The following RIN3 variants were observed in gnomAD, a reference collection of about 807,000 sequenced individuals.
RIN3 encodes RAB5 interacting protein 3.
In RIN3, 54 loss-of-function variants were observed where a neutral mutation model predicts 76.3. That is an observed-to-expected ratio of 0.71 (90% CI 0.57 to 0.89). The LOEUF is 0.89. RIN3 is among the 40% of genes least tolerant of loss of function. RIN3 has a pLI of 0.00. For missense variants in RIN3, 1,256 were observed against 1,322.1 expected, an observed-to-expected ratio of 0.95 and a Z score of 0.78; for synonymous variants, 576 against 564.0, an observed-to-expected ratio of 1.02 and a Z score of -0.30.
At chr14:92,606,772 G>A (rs969495728) in intron 3 of RIN3, among the ~76,000 whole-genome samples, 1 of 152,194 alleles carries the variant, frequency 6.6e-6, no homozygotes, top group East Asian at 1.9e-4. Context: ...GTTGACAAGG[G>A]CATGGAGAAA....
chr14:92,680,111 G>A (rs1888612204), intron 8 of RIN3, among the ~76,000 whole-genome samples: 3 of 152,090 alleles, frequency 2.0e-5, no homozygotes, highest in Admixed American at 2.0e-4. Context: ...CAGACTCAGT[G>A]TCTGGTGAGA....
At chr14:92,579,137 A>G (rs1898353651) in intron 3 of RIN3, among the ~76,000 whole-genome samples, 1 of 152,180 alleles carries the variant, frequency 6.6e-6, no homozygotes, top group Non-Finnish European at 1.5e-5. Context: ...CATGTTGGTC[A>G]GGCTGGTCTC....
intron 5 of RIN3, 88 bp downstream of exon 5, chr14:92,641,417 G>T (rs955535393): frequency 3.1e-6 from 3 of 953,450 alleles, no homozygotes; most frequent in Middle Eastern, 2.4e-4. Flanking sequence ...TGTGCAGAGG[G>T]ACAGCCTGAG....
In RIN3 at chr14:92,587,732, CAG is replaced by C. The variant is rs1385666100; in HGVS notation, c.367+10256_367+10257del. ...TTTTGGAAGTGACTGCAAGTGGGGT[CAG>C]GGGTCAGAGCCCAGGCCACAGTGCT... On this transcript the variant is annotated intron_variant, in intron 3 of 9. Transcript: ENST00000216487. 2.0e-5 allele frequency among the ~76,000 whole-genome samples: 3 copies of C among 151,830 alleles called. No homozygotes were observed. In the East Asian group the frequency reaches 5.8e-4, roughly 29 times the overall value.
In RIN3 at chr14:92,661,725, A is replaced by T. The variant is rs138177333; in HGVS notation, c.2335+2256A>T. 6.6e-3 allele frequency among the ~76,000 whole-genome samples: 854 copies of T among 129,258 alleles called. 7 individuals carry two copies. The highest frequency in any genetic ancestry group is 0.021 in the African/African-American group (788 of 36,658). The allele number at this position is 129,258 out of a possible 152,430, so 84.8% of individuals were successfully genotyped here. A position where few individuals can be genotyped will look rare whatever the true frequency, so the allele number is the denominator to read the frequency against. On this transcript the variant is annotated intron_variant, in intron 7 of 9. Coordinates refer to ENST00000216487, the MANE Select transcript of RIN3 (RefSeq NM_024832.5). ...GGTGGTGACAGAGTGAGACTCTGTCACACACACACACACACACACACACAC... is the reference window on the plus strand; with the variant it reads ...GGTGGTGACAGAGTGAGACTCTGTCTCACACACACACACACACACACACAC...
intron 1 of RIN3, among the ~76,000 whole-genome samples, chr14:92,539,650 G>A (rs1897088114): frequency 6.6e-6 from 1 of 152,160 alleles, no homozygotes; most frequent in Non-Finnish European, 1.5e-5. Context: ...CAGGTGGTGG[G>A]GTCAGCAGGA....
At chr14:92,577,292 G>A (rs575887746) in intron 2 of RIN3, 68 bp from the exon 3 acceptor site, 86 of 1,057,282 alleles carry the variant, frequency 8.1e-5, no homozygotes, top group Non-Finnish European at 9.4e-5. Context: ...CTTCCATCTC[G>A]TGGTTGTCCT....
At chr14:92,642,435 C>G (rs991332193) in intron 5 of RIN3, among the ~76,000 whole-genome samples, 1 of 152,164 alleles carries the variant, frequency 6.6e-6, no homozygotes, top group African/African-American at 2.4e-5. Context: ...GTGTTTCACG[C>G]AGCTGCTCAG....
intron 7 of RIN3, among the ~76,000 whole-genome samples, chr14:92,666,628 T>C (rs1353863071): frequency 6.6e-6 from 1 of 152,210 alleles, no homozygotes; most frequent in Admixed American, 6.5e-5. Flanking sequence ...CAGCCAGAAC[T>C]TCTAGATTCA....
chr14:92,675,887 G>A (rs770630892), intron 7 of RIN3, among the ~76,000 whole-genome samples: 1 of 152,136 alleles, frequency 6.6e-6, no homozygotes, highest in Non-Finnish European at 1.5e-5. Flanking sequence ...AGGATGCTCT[G>A]AGCCCTGTGA....
intron 2 of RIN3, among the ~76,000 whole-genome samples, chr14:92,573,874 G>C (rs1358448576): frequency 6.6e-6 from 1 of 152,182 alleles, no homozygotes; most frequent in Non-Finnish European, 1.5e-5. Flanking sequence ...TCAATTTCAG[G>C]TGAATGCACT....
chr14:92,574,468 T>A (rs1566849188), intron 2 of RIN3, among the ~76,000 whole-genome samples: 1 of 152,244 alleles, frequency 6.6e-6, no homozygotes, highest in Non-Finnish European at 1.5e-5. Context: ...CAGGTAGCCC[T>A]TTTCTGTTGG....
intron 4 of RIN3, among the ~76,000 whole-genome samples, chr14:92,621,168 G>A (rs901345138): frequency 7.2e-5 from 10 of 139,268 alleles, no homozygotes; most frequent in South Asian, 4.7e-4. Flanking sequence ...CCCGGAAGGC[G>A]GAGCTTGCAG....
At chr14:92,675,861 AGT>A (rs1888442393) in intron 7 of RIN3, among the ~76,000 whole-genome samples, 2 of 152,104 alleles carry the variant, frequency 1.3e-5, no homozygotes, top group Admixed American at 1.3e-4. Context: ...TGCCACGCAA[AGT>A]GTCTGTTGCT....
rs759206543 is a variant in RIN3 at position 92,659,314 on chromosome 14, T to A, written c.2180T>A (p.Leu727Gln). The A allele has an allele frequency of 8.1e-6, 13 of 1,613,294 alleles. No individual in the cohort carries two copies. The highest frequency in any genetic ancestry group is 9.3e-6 in the Non-Finnish European group (11 of 1,179,520). The change falls in exon 7 of 10, where the codon CTA (leucine) becomes CAA (glutamine). Residue 727 changes from leucine to glutamine, a missense_variant. Physicochemically the swap from Leu to Gln is moderately radical, Grantham distance 113. Around this residue, in one of 3 missense-constraint regions of RIN3, gnomAD observed 428 missense variants for 521.2 expected, o/e 0.82. Transcript: ENST00000216487. ...ATCCTGGCCACCACCACCACTGACC[T>A]AGGTGTGACCACCAGCGTGCCGGAG... ...LVILATTTTD[L>Q]GVTTSVPEVP...
chr14:92,626,702 G>C (rs374996495), intron 4 of RIN3, among the ~76,000 whole-genome samples: 2 of 152,116 alleles, frequency 1.3e-5, no homozygotes, highest in African/African-American at 4.8e-5. Context: ...ATCTGGGACC[G>C]AGTCCAGGGT....
chr14:92,685,127 C>T lies in RIN3; in HGVS notation c.2608C>T (p.Arg870Trp), dbSNP rs1566904727. The T allele has an allele frequency of 5.0e-6, 8 of 1,612,436 alleles. No homozygotes were observed. The highest frequency in any genetic ancestry group is 2.2e-5 in the East Asian group (1 of 44,828). ...WERRRTLNKA[R>W]ASRSSVQDFI... is the part of the protein sequence containing the mutation. ...GCGCCGGCGTACTCTCAACAAGGCC[C>T]GGGCCTCCCGCTCCTCCGTACAGGT... The change falls in exon 9 of 10, where the codon CGG becomes TGG. Residue 870 changes from arginine to tryptophan, a missense_variant. Physicochemically the swap from Arg to Trp is moderately radical, Grantham distance 101. Transcript: ENST00000216487. This position sits in a 1 kb window ranked among gnomAD's most constrained non-coding sequence, Gnocchi z 4.7.
Position 92,681,266 on chromosome 14 carries a change from A to G in RIN3, c.2468-3721A>G, listed in dbSNP as rs1421814521. Among the ~76,000 whole-genome samples, 4 of 152,074 alleles carry G rather than the reference A, an allele frequency of 2.6e-5. No homozygotes were observed. The highest frequency in any genetic ancestry group is 4.4e-5 in the Non-Finnish European group (3 of 68,026). On this transcript the variant is annotated intron_variant, in intron 8 of 9. Transcript: ENST00000216487. This position sits in a 1 kb window ranked among gnomAD's most constrained non-coding sequence, Gnocchi z 4.7. ...CTGCCACCTAGTGGCCCTGGCAGGC[A>G]TTTCATGGCCCCAAGTCAAAGAGGA...
At chr14:92,559,258 G>A (rs1354262671) in intron 2 of RIN3, among the ~76,000 whole-genome samples, 2 of 152,154 alleles carry the variant, frequency 1.3e-5, no homozygotes, top group African/African-American at 2.4e-5. Context: ...AAGGAGGGCT[G>A]GAGTCCACTA....
Sources: gnomAD v4.1 joint callset for allele counts (sites outside exome capture counted in the v4.1 genomes callset) on GRCh38, gnomAD v4.1.1 for gene constraint, gnomAD v4.1.1 regional missense constraint, Gnocchi (gnomAD v3.1) non-coding constraint, MANE v1.5 for transcripts, NCBI Gene and HGNC (gene_info 2026-07-23, HGNC 2026-07-21) for gene names.